SRPK2: variants seen among roughly 807,000 people sequenced by gnomAD.
The protein encoded by SRPK2 is SFRS protein kinase 2.
A neutral mutation model predicts 90.8 loss-of-function variants in SRPK2; 21 were observed. The ratio of observed to expected loss-of-function variants is 0.23; its 90% CI spans 0.16 to 0.33. The LOEUF (loss-of-function observed/expected upper bound fraction) is 0.33. SRPK2 is among the 10% of genes least tolerant of loss of function. The pLI is 1.00. For missense variants in SRPK2, 620 were observed against 869.0 expected (o/e 0.71, Z 3.60); for synonymous variants, 288 against 311.1 (o/e 0.93, Z 0.78).
chr7:105,236,176 C>CT (rs1183396475), intron 2 of SRPK2, among the ~76,000 whole-genome samples: 1 of 152,174 alleles, frequency 6.6e-6, no homozygotes, highest in African/African-American at 2.4e-5. Context: ...ATGCCACACT[C>CT]TGATCTAGAT....
At chr7:105,196,118 C>T (rs768850471) in intron 3 of SRPK2, among the ~76,000 whole-genome samples, 2 of 152,178 alleles carry the variant, frequency 1.3e-5, no homozygotes, top group Non-Finnish European at 2.9e-5. Context: ...GATCAGGAGT[C>T]AGAATCTCCT....
chr7:105,205,022 G>A (rs911848855), intron 2 of SRPK2, among the ~76,000 whole-genome samples: 2 of 152,158 alleles, frequency 1.3e-5, no homozygotes, highest in African/African-American at 4.8e-5. Flanking sequence ...CTGGAATCTT[G>A]AGAAGGTCAG....
At chr7:105,389,040 C>T (rs1822029590), upstream of SRPK2, 8 of 970,856 alleles carry the variant, frequency 8.2e-6, no homozygotes, top group African/African-American at 1.4e-4. Context: ...GCGCCGCGCG[C>T]CCAGCGCCCC....
intron 2 of SRPK2, among the ~76,000 whole-genome samples, chr7:105,349,771 G>C (rs370267726): frequency 6.6e-6 from 1 of 151,688 alleles, no homozygotes; most frequent in Non-Finnish European, 1.5e-5. Flanking sequence ...CTGGAGTCTC[G>C]CTCTGTCGCC....
intron 2 of SRPK2, among the ~76,000 whole-genome samples, chr7:105,260,198 C>A (rs766798914): frequency 6.6e-6 from 1 of 152,122 alleles, no homozygotes; most frequent in African/African-American, 2.4e-5. Context: ...AAGAAAAAAA[C>A]AACCCCATCA....
chr7:105,265,545 C>A (rs1253445239), intron 2 of SRPK2, among the ~76,000 whole-genome samples: 2 of 152,126 alleles, frequency 1.3e-5, no homozygotes. Context: ...TACTCTCCCC[C>A]ACGCACATTA....
chr7:105,179,824 C>CAAAAAAAAAAAAAAAAAAA (rs1185836588), intron 3 of SRPK2, among the ~76,000 whole-genome samples: 1 of 60,266 alleles, frequency 1.7e-5, no homozygotes, highest in African/African-American at 7.0e-5. Flanking sequence ...GAGTCCATCT[C>CAAAAAAAAAAAAAAAAAAA]AAAAAAAAAA....
intron 2 of SRPK2, among the ~76,000 whole-genome samples, chr7:105,386,809 G>A (rs964239822): frequency 6.6e-6 from 1 of 152,194 alleles, no homozygotes; most frequent in African/African-American, 2.4e-5. Context: ...GGCTGGTCCC[G>A]TTACCTTACA....
intron 3 of SRPK2, among the ~76,000 whole-genome samples, chr7:105,173,832 T>C (rs889107530): frequency 4.1e-4 from 62 of 152,162 alleles, no homozygotes; most frequent in African/African-American, 1.4e-3. Flanking sequence ...TCACCATGAC[T>C]TAAGAGTTTG....
At chr7:105,309,640 C>T (rs904561505) in intron 2 of SRPK2, among the ~76,000 whole-genome samples, 1 of 152,190 alleles carries the variant, frequency 6.6e-6, no homozygotes, top group Non-Finnish European at 1.5e-5. Context: ...TGAAAGCATG[C>T]TGACCCAGAG....
intron 2 of SRPK2, among the ~76,000 whole-genome samples, chr7:105,364,368 G>A (rs985349517): frequency 2.7e-5 from 4 of 150,278 alleles, no homozygotes; most frequent in African/African-American, 9.8e-5. Flanking sequence ...CTCTTCTGCT[G>A]CACTGAAAAG....
At chr7:105,312,434 C>T (rs970870833) in intron 2 of SRPK2, among the ~76,000 whole-genome samples, 38 of 200 alleles carry the variant, frequency 0.19, no homozygotes, top group African/African-American at 0.39. Context: ...AGTGAGACTC[C>T]GTCAAAAAAA....
chr7:105,394,904 C>T (rs961965964), intron 1 of SRPK2, among the ~76,000 whole-genome samples: 2 of 152,188 alleles, frequency 1.3e-5, no homozygotes, highest in African/African-American at 2.4e-5. Flanking sequence ...GGCGCGGTGG[C>T]TTACGCCTGT....
chr7:105,310,761 T>A (rs770795991), intron 2 of SRPK2, among the ~76,000 whole-genome samples: 3 of 152,212 alleles, frequency 2.0e-5, no homozygotes, highest in Admixed American at 2.0e-4. Flanking sequence ...AACTCTCCAA[T>A]GACATTCTTT....
chr7:105,262,793 G>C (rs1279394390), intron 2 of SRPK2, among the ~76,000 whole-genome samples: 1 of 152,070 alleles, frequency 6.6e-6, no homozygotes, highest in African/African-American at 2.4e-5. Flanking sequence ...CACTGGTAGA[G>C]CCACCAGAAT....
intron 11 of SRPK2, among the ~76,000 whole-genome samples, chr7:105,138,883 C>T (rs1386096632): frequency 6.6e-6 from 1 of 152,192 alleles, no homozygotes; most frequent in Non-Finnish European, 1.5e-5. Context: ...TAATTCATCT[C>T]TCAGAAGATG....
In SRPK2 at chr7:105,132,904, A is replaced by G. The variant is rs766171673; in HGVS notation, c.1645-6T>C. The G allele has an allele frequency of 4.4e-5, 71 of 1,613,114 alleles. No homozygotes were observed. The highest frequency in any genetic ancestry group is 5.9e-5 in the Non-Finnish European group (70 of 1,179,470). On this transcript the variant is annotated splice_polypyrimidine_tract_variant and splice_region_variant and intron_variant, in intron 12 of 15. Coordinates refer to ENST00000393651, the MANE Select transcript of SRPK2 (RefSeq NM_182692.3). ...TCTTCCGTGAAGTGTTTATGCTGGA[A>G]GGGAACAGGCTGCATTACCACGGAG...
intron 2 of SRPK2, among the ~76,000 whole-genome samples, chr7:105,384,763 A>G (rs2132733945): frequency 6.6e-6 from 1 of 152,034 alleles, no homozygotes; most frequent in East Asian, 1.9e-4. Flanking sequence ...TTCTTTTACC[A>G]CTTCTCAGGT....
At chr7:105,386,088 G>T (rs1378066220) in intron 2 of SRPK2, among the ~76,000 whole-genome samples, 1 of 152,038 alleles carries the variant, frequency 6.6e-6, no homozygotes, top group African/African-American at 2.4e-5. Context: ...GCCGAGGCGG[G>T]CGAATCACGA....
Sources: gnomAD v4.1 joint callset for allele counts (sites outside exome capture counted in the v4.1 genomes callset) on GRCh38, gnomAD v4.1.1 for gene constraint, MANE v1.5 for transcripts, NCBI Gene and HGNC (gene_info 2026-07-23, HGNC 2026-07-21) for gene names.